Variants in VPS13B observed in about 807,000 individuals in gnomAD.
The protein encoded by VPS13B is vacuolar protein sorting 13 homolog B, also known as intermembrane lipid transfer protein VPS13B.
A neutral mutation model predicts 426.4 loss-of-function variants in VPS13B; 285 were observed. That is an observed-to-expected ratio of 0.67 (90% CI 0.61 to 0.74). The LOEUF (loss-of-function observed/expected upper bound fraction) is 0.74, where lower values mean the gene tolerates loss of function less well. VPS13B is among the 30% of genes least tolerant of loss of function. The pLI is 0.00. For missense variants in VPS13B, 4,537 were observed against 4,782.6 expected (o/e 0.95, Z 1.51); for synonymous variants, 1,676 against 1,676.4 (o/e 1.00, Z 0.01).
chr8:99,628,956 G>A (rs551009100), intron 33 of VPS13B, among the ~76,000 whole-genome samples: 1 of 152,066 alleles, frequency 6.6e-6, no homozygotes, highest in African/African-American at 2.4e-5. Flanking sequence ...GTAGTGACGG[G>A]ATCATGCTAT....
At chr8:99,128,661 G>A (rs1027115769) in intron 8 of VPS13B, among the ~76,000 whole-genome samples, 9 of 147,428 alleles carry the variant, frequency 6.1e-5, no homozygotes, top group African/African-American at 2.2e-4. Context: ...AAACCCATGT[G>A]AAATGAGCTA....
At chr8:99,166,257 T>G (rs773253061) in intron 15 of VPS13B, among the ~76,000 whole-genome samples, 1 of 152,200 alleles carries the variant, frequency 6.6e-6, no homozygotes, top group Non-Finnish European at 1.5e-5. Context: ...AGTGCTGGGA[T>G]TATAGGCATG....
chr8:99,293,205 T>C (rs1294414065), intron 19 of VPS13B, among the ~76,000 whole-genome samples: 2 of 136,492 alleles, frequency 1.5e-5, no homozygotes, highest in Non-Finnish European at 3.1e-5. Context: ...TATAGATCAA[T>C]GGAACAGAAC....
intron 58 of VPS13B, among the ~76,000 whole-genome samples, chr8:99,864,700 CGTTTTCAAAGGT>C (rs1452575353): frequency 6.6e-6 from 1 of 152,186 alleles, no homozygotes; most frequent in Non-Finnish European, 1.5e-5. Context: ...GTTGGCAAAG[CGTTTTCAAAGGT>C]GTCATCTTAT....
intron 43 of VPS13B, among the ~76,000 whole-genome samples, chr8:99,791,904 G>T (rs1457628114): frequency 6.6e-6 from 1 of 152,010 alleles, no homozygotes; most frequent in Non-Finnish European, 1.5e-5. Context: ...TTCTGGCCCA[G>T]GGTACCAGGG....
rs780959088 is a variant in VPS13B at position 99,766,868 on chromosome 8, A to G, written c.7145A>G (p.Gln2382Arg). The G allele has an allele frequency of 4.3e-6, 7 of 1,614,078 alleles. No individual in the cohort carries two copies. Among genetic ancestry groups the G allele is most frequent in the East Asian group, 4.5e-5 (2 of 44,826 alleles). The change falls in exon 40 of 62, where the codon CAG becomes CGG. Residue 2382 changes from glutamine (Q) to arginine (R), a missense_variant. This residue lies in a region of VPS13B where 4,311 missense variants were observed against 4,474.3 expected (regional missense o/e 0.96). Transcript: ENST00000357162. ...TCTGAAAGCAAAGTTTGTGAACTGC[A>G]GTTGCCGGATATCAATCTCGTGAAT... ...NLSESKVCEL[Q>R]LPDINLVNDQ...
intron 19 of VPS13B, among the ~76,000 whole-genome samples, chr8:99,358,002 TCACACACACACACACACA>T (rs34418547): frequency 2.1e-5 from 3 of 144,416 alleles, no homozygotes; most frequent in Middle Eastern, 3.5e-3. Flanking sequence ...GGATTAAATA[TCACACACACACACACACA>T]CACACACACA....
intron 36 of VPS13B, 66 bp downstream of exon 36, chr8:99,699,998 G>A (rs953548965): frequency 6.4e-7 from 1 of 1,558,238 alleles, no homozygotes. Context: ...ATCTGAAAAT[G>A]CATCATTTTG....
intron 39 of VPS13B, 21 bp from the exon 40 acceptor site, chr8:99,766,753 A>T (rs1041609707): frequency 6.9e-6 from 11 of 1,603,392 alleles, no homozygotes; most frequent in Non-Finnish European, 9.4e-6. Flanking sequence ...CAACTTCTAA[A>T]TTTTTTTTAT....
chr8:99,615,323 C>T lies in VPS13B; in HGVS notation c.5221-26488C>T, dbSNP rs78974941. Among the ~76,000 whole-genome samples, 162 of 152,192 alleles carry T rather than the reference C, an allele frequency of 1.1e-3. 3 individuals carry two copies. In the East Asian group the frequency reaches 0.024, roughly 23 times the overall value. ...CAGAAAAGCTGTTTTCTAATCCTGGCGCTACCACTTACTGGCTTTGAAAGA... is the reference window on the plus strand; with the variant it reads ...CAGAAAAGCTGTTTTCTAATCCTGGTGCTACCACTTACTGGCTTTGAAAGA... On this transcript the variant is annotated intron_variant, in intron 33 of 61. Transcript: ENST00000357162.
At position 99,480,554 on chromosome 8, in the gene VPS13B, G is replaced by T. The variant is rs562376906; in HGVS notation, c.3667-1045G>T. On this transcript the variant is annotated intron_variant, in intron 24 of 61. Transcript: ENST00000357162. ...AGAGAGAAACATTCATAATTATGAA[G>T]GACAAAAGAATTTGAACAAATATTT... 9.2e-5 allele frequency among the ~76,000 whole-genome samples: 14 copies of T among 152,096 alleles called. 1 individual carries two copies. In the South Asian group the frequency reaches 2.9e-3, roughly 32 times the overall value.
chr8:99,296,533 A>G (rs978458872), intron 19 of VPS13B, among the ~76,000 whole-genome samples: 1 of 152,082 alleles, frequency 6.6e-6, no homozygotes, highest in Admixed American at 6.6e-5. Context: ...ATCTTTCTTT[A>G]CTCTAAAAAC....
At position 99,156,589 on chromosome 8, in the gene VPS13B, T is replaced by C; in HGVS notation, c.2054T>C (p.Leu685Pro). 1 of 1,614,122 alleles carries C rather than the reference T, an allele frequency of 6.2e-7. No individual in the cohort carries two copies. The highest frequency in any genetic ancestry group is 8.5e-7 in the Non-Finnish European group (1 of 1,179,936). ...ATGAATACTACAAACTTCCAGTCTC[T>C]TCGGCCTTTGCCATCCATTCGAATA... The part of the protein sequence containing the change: ...NFMNTTNFQS[L>P]RPLPSIRILV... Residue 685 changes from leucine (L) to proline (P), a missense_variant, in exon 15 of 62, where the codon CTT becomes CCT. By Grantham distance (98) the Leu-to-Pro change is moderately conservative (BLOSUM62 -3). Coordinates refer to ENST00000357162, the MANE Select transcript of VPS13B (RefSeq NM_152564.5).
chr8:99,044,225 A>G (rs188460073), intron 3 of VPS13B, among the ~76,000 whole-genome samples: 2 of 151,104 alleles, frequency 1.3e-5, no homozygotes, highest in African/African-American at 4.9e-5. Flanking sequence ...CTGGGGCTAC[A>G]GGCGCCCACC....
chr8:99,359,805 A>G (rs1232955531), intron 19 of VPS13B, among the ~76,000 whole-genome samples: 1 of 152,150 alleles, frequency 6.6e-6, no homozygotes, highest in East Asian at 1.9e-4. Context: ...GTGTATTACT[A>G]TACTTCATTG....
At position 99,170,073 on chromosome 8, in the gene VPS13B, A is replaced by G. The variant is rs145988999; in HGVS notation, c.2243A>G (p.Asp748Gly). 5.0e-6 allele frequency: 8 copies of G among 1,612,810 alleles called. No homozygotes were observed. In the African/African-American group the frequency reaches 6.7e-5, roughly 13 times the overall value. The stretch of plus-strand genomic sequence containing the variant: ...TTCCAGGCAGGACTGACGTCTTTGG[A>G]TTGCAGTGGATCTTACTGCTTACCT... ...FGFQAGLTSL[D>G]CSGSYCLPVP... is the part of the protein sequence containing the mutation. The change falls in exon 16 of 62, where the codon GAT becomes GGT. Residue 748 changes from aspartate (D) to glycine (G), a missense_variant. Asp to Gly is a moderately conservative substitution (Grantham distance 94). Transcript: ENST00000357162.
intron 19 of VPS13B, among the ~76,000 whole-genome samples, chr8:99,316,624 C>T (rs966077707): frequency 6.6e-6 from 1 of 152,178 alleles, no homozygotes; most frequent in African/African-American, 2.4e-5. Context: ...TGGGATGCCT[C>T]TCCAGGGTCG....
intron 3 of VPS13B, among the ~76,000 whole-genome samples, chr8:99,078,945 A>G (rs1845289710): frequency 6.6e-6 from 1 of 152,046 alleles, no homozygotes; most frequent in East Asian, 1.9e-4. Context: ...GCCCGCAGAT[A>G]GTGCACATGG....
Position 99,340,890 on chromosome 8 carries a change from T to C in VPS13B, c.2825-43318T>C, listed in dbSNP as rs554194060. On this transcript the variant is annotated intron_variant, in intron 19 of 61. Transcript: ENST00000357162. ...GGTGGCTGGTTCAGCTGTGGTTGTC[T>C]GACTCTCTGTGGACTGTGGTGTGGA... The C allele has an allele frequency of 1.9e-5, 6 of 314,758 alleles. No individual in the cohort carries two copies. The East Asian group carries it at 5.6e-4, about 29-fold the overall frequency. The allele number at this position is 314,758 out of a possible 1,614,324, so 19.5% of individuals were successfully genotyped here. A position where few individuals can be genotyped will look rare whatever the true frequency, so the allele number is the denominator to read the frequency against.
Sources: allele counts gnomAD v4.1 joint callset (sites outside exome capture counted in the v4.1 genomes callset), GRCh38; gene constraint gnomAD v4.1.1; regional missense constraint gnomAD v4.1.1; transcripts MANE v1.5; gene names NCBI Gene and HGNC (gene_info 2026-07-23, HGNC 2026-07-21).